The following APAF1 variants were observed in gnomAD, a reference collection of about 807,000 sequenced individuals.
APAF1 encodes apoptotic protease-activating factor 1.
A neutral mutation model predicts 152.4 loss-of-function variants in APAF1; 91 were observed. That is an observed-to-expected ratio of 0.60 (90% CI 0.50 to 0.71). The LOEUF (loss-of-function observed/expected upper bound fraction) is 0.71. Among genes scored for constraint, APAF1 ranks in the 30% least tolerant of loss-of-function variants. The pLI, the probability that APAF1 is intolerant of heterozygous loss-of-function variation, is 0.00. For missense variants in APAF1, 1,283 were observed against 1,472.0 expected, an observed-to-expected ratio of 0.87 and a Z score of 2.10; for synonymous variants, 484 against 494.1, an observed-to-expected ratio of 0.98 and a Z score of 0.27.
chr12:98,685,190 A>G (rs189898825), intron 15 of APAF1, among the ~76,000 whole-genome samples: 3 of 152,378 alleles, frequency 2.0e-5, no homozygotes, highest in Admixed American at 6.5e-5. Context: ...ATAAATCACC[A>G]GAGATGACTA....
In APAF1 at chr12:98,687,724, A is replaced by G. The variant is rs531533484; in HGVS notation, c.2304+851A>G. Among the ~76,000 whole-genome samples, 825 of 152,308 alleles carry G rather than the reference A, an allele frequency of 5.4e-3. 3 individuals are homozygous for G. The highest frequency in any genetic ancestry group is 0.014 in the Middle Eastern group (4 of 294). On this transcript the variant is annotated intron_variant, in intron 16 of 26. Coordinates refer to ENST00000551964, the MANE Select transcript of APAF1 (RefSeq NM_181861.2). ...GGTCCCATCTCTCAATACTTGCATC[A>G]GGGATTAAGTATTTAATACATGAAC...
At chr12:98,665,276 A>ATATATATATT (rs2097670949) in intron 7 of APAF1, among the ~76,000 whole-genome samples, 1 of 67,876 alleles carries the variant, frequency 1.5e-5, no homozygotes, top group African/African-American at 5.7e-5. Flanking sequence ...ATATATATAT[A>ATATATATATT]TATTTTTTTT....
intron 5 of APAF1, among the ~76,000 whole-genome samples, chr12:98,662,108 C>G (rs1441403920): frequency 6.8e-5 from 10 of 147,834 alleles, no homozygotes; most frequent in African/African-American, 2.0e-4. Context: ...TGCTTAAAGA[C>G]TGAGTTGGAA....
chr12:98,729,463 G>C (rs2097756784), intron 26 of APAF1, among the ~76,000 whole-genome samples: 1 of 152,170 alleles, frequency 6.6e-6, no homozygotes, highest in African/African-American at 2.4e-5. Flanking sequence ...TGCCACCACT[G>C]ATCTCTCAGG....
intron 1 of APAF1, among the ~76,000 whole-genome samples, 192 bp downstream of exon 1, chr12:98,646,027 T>G (rs1174357822): frequency 6.6e-6 from 1 of 152,226 alleles, no homozygotes; most frequent in Non-Finnish European, 1.5e-5. Context: ...GTTTTCTGTT[T>G]TACGTCCATG....
intron 5 of APAF1, among the ~76,000 whole-genome samples, chr12:98,660,338 C>A (rs1036524983): frequency 1.3e-5 from 2 of 151,614 alleles, no homozygotes; most frequent in African/African-American, 2.4e-5. Flanking sequence ...AGAGGAAGAC[C>A]CTGTTTCAAT....
chr12:98,672,559 A>T lies in APAF1; in HGVS notation c.1793+840A>T, dbSNP rs561924558. On this transcript the variant is annotated intron_variant, in intron 12 of 26. Coordinates refer to ENST00000551964, the MANE Select transcript of APAF1 (RefSeq NM_181861.2). Reference sequence around the variant, plus strand: ...ATTAAATGACCACTGAACCCTGATTATTCTGTCTCTTAAAGGAGTCTCTTT... The same window carrying T: ...ATTAAATGACCACTGAACCCTGATTTTTCTGTCTCTTAAAGGAGTCTCTTT... 5.3e-5 allele frequency among the ~76,000 whole-genome samples: 8 copies of T among 152,146 alleles called. No homozygotes were observed. In the South Asian group the frequency reaches 1.5e-3, roughly 28 times the overall value.
chr12:98,707,081 C>T (rs1430842687), intron 19 of APAF1, among the ~76,000 whole-genome samples: 4 of 152,108 alleles, frequency 2.6e-5, no homozygotes, highest in Non-Finnish European at 5.9e-5. Context: ...TTTCTGCATG[C>T]AGCTTCTAAG....
Position 98,732,938 on chromosome 12 carries a change from G to A in APAF1, c.*372G>A, listed in dbSNP as rs575996323. Reference sequence around the variant, plus strand: ...TGTCTGTATTTATTACTGTTATGCAGGCTGTGCCTCAGGGTAGCAGTGGCC... The same window carrying A: ...TGTCTGTATTTATTACTGTTATGCAAGCTGTGCCTCAGGGTAGCAGTGGCC... On this transcript the variant is annotated 3_prime_UTR_variant, in exon 27 of 27. Coordinates refer to ENST00000551964, the MANE Select transcript of APAF1 (RefSeq NM_181861.2). The A allele has an allele frequency of 5.2e-5, 13 of 248,168 alleles. No homozygotes were observed. Among genetic ancestry groups the A allele is most frequent in the Non-Finnish European group, 9.4e-5 (12 of 128,146 alleles). 15.4% of individuals were successfully genotyped at this position (248,168 alleles called of 1,614,324 possible).
intron 4 of APAF1, among the ~76,000 whole-genome samples, chr12:98,655,277 C>A (rs1005905994): frequency 5.4e-5 from 8 of 147,836 alleles, no homozygotes; most frequent in Non-Finnish European, 1.0e-4. Context: ...CTTTTCCCCA[C>A]CTTTCCCGCC....
chr12:98,681,703 T>G (rs2097692398), intron 14 of APAF1, among the ~76,000 whole-genome samples: 3 of 152,106 alleles, frequency 2.0e-5, no homozygotes, highest in Admixed American at 6.5e-5. Context: ...TAATTCACTC[T>G]GTAGTGTCTA....
At chr12:98,684,444 C>T (rs2097695793) in intron 15 of APAF1, among the ~76,000 whole-genome samples, 1 of 149,968 alleles carries the variant, frequency 6.7e-6, no homozygotes, top group South Asian at 2.1e-4. Context: ...TCCTCTTGAC[C>T]TTCCTTTCTC....
intron 16 of APAF1, among the ~76,000 whole-genome samples, chr12:98,688,368 G>A (rs569346478): frequency 7.9e-5 from 12 of 151,882 alleles, no homozygotes; most frequent in Non-Finnish European, 1.3e-4. Context: ...AGTTCAGGCT[G>A]TTGTCTGCTC....
At chr12:98,655,535 G>A (rs912866870) in intron 4 of APAF1, among the ~76,000 whole-genome samples, 43 of 152,308 alleles carry the variant, frequency 2.8e-4, no homozygotes, top group Non-Finnish European at 5.6e-4. Context: ...AGGGGCGGCC[G>A]TAGTATTTTC....
intron 24 of APAF1, among the ~76,000 whole-genome samples, chr12:98,724,545 A>T (rs2097747658): frequency 6.6e-6 from 1 of 152,130 alleles, no homozygotes; most frequent in Admixed American, 6.6e-5. Flanking sequence ...CTTTGGTTTG[A>T]TAAACCTTCT....
intron 22 of APAF1, among the ~76,000 whole-genome samples, chr12:98,722,581 C>A (rs374616782): frequency 6.6e-6 from 1 of 152,162 alleles, no homozygotes; most frequent in East Asian, 1.9e-4. Context: ...ATATTTTGTG[C>A]TAGTTACTCA....
intron 22 of APAF1, 121 bp from the exon 23 acceptor site, chr12:98,723,072 T>A: frequency 9.9e-7 from 1 of 1,013,542 alleles, no homozygotes; most frequent in Non-Finnish European, 1.5e-6. Flanking sequence ...TATTCCTCTC[T>A]GTTTTACTGA....
At chr12:98,690,224 A>G (rs1302695651) in intron 16 of APAF1, among the ~76,000 whole-genome samples, 2 of 152,216 alleles carry the variant, frequency 1.3e-5, no homozygotes, top group Non-Finnish European at 2.9e-5. Flanking sequence ...TTTTGTATAA[A>G]TTACTCCAGA....
intron 4 of APAF1, among the ~76,000 whole-genome samples, chr12:98,655,385 C>T (rs1374887176): frequency 6.6e-5 from 10 of 151,448 alleles, no homozygotes; most frequent in Non-Finnish European, 8.9e-5. Context: ...AGAGGGGCTC[C>T]TCACTTCCCA....
Sources: gnomAD v4.1 joint callset for allele counts (sites outside exome capture counted in the v4.1 genomes callset) on GRCh38, gnomAD v4.1.1 for gene constraint, MANE v1.5 for transcripts, NCBI Gene and HGNC (gene_info 2026-07-23, HGNC 2026-07-21) for gene names.